LTK: variants seen among roughly 807,000 people sequenced by gnomAD.
The protein encoded by LTK is leukocyte tyrosine kinase receptor.
In LTK, 117 loss-of-function variants were observed where a neutral mutation model predicts 101.5. The ratio of observed to expected loss-of-function variants is 1.15; its 90% confidence interval spans 0.99 to 1.34. The LOEUF (loss-of-function observed/expected upper bound fraction) is 1.34, where lower values mean the gene tolerates loss of function less well. LTK is among the 40% of genes most tolerant of loss of function. The pLI, the probability that LTK is intolerant of heterozygous loss-of-function variation, is 0.00. For missense variants in LTK, 1,252 were observed against 1,164.7 expected (o/e 1.07, Z -1.09); for synonymous variants, 563 against 494.2 (o/e 1.14, Z -1.85).
At position 41,511,530 on chromosome 15, in the gene LTK, C is replaced by A. The variant is rs1011193962; in HGVS notation, c.706G>T (p.Gly236Cys). 2.1e-6 allele frequency: 3 copies of A among 1,460,932 alleles called. No homozygotes were observed. The highest frequency in any genetic ancestry group is 8.9e-7 in the Non-Finnish European group (1 of 1,118,664). The allele number at this position is 1,460,932 out of a possible 1,614,324, so 90.5% of individuals were successfully genotyped here. Residue 236 changes from glycine (G) to cysteine (C), a missense_variant, in exon 6 of 20, where the codon GGT becomes TGT. Transcript: ENST00000263800. This position sits in a 1 kb window ranked among gnomAD's most constrained non-coding sequence, Gnocchi z 5.9. ...EPLLVAAGGG[G>C]RAYLRPRDRG... ...TCCCGCGGCCTCAGGTAGGCCCGAC[C>A]GCCGCCTCCGGCCGCCACCAGCAAC...
Position 41,511,230 on chromosome 15 carries a change from C to T in LTK, c.931G>A (p.Ala311Thr), listed in dbSNP as rs1300480831. Residue 311 changes from alanine (A) to threonine (T), a missense_variant, in exon 7 of 20, where the codon GCG (alanine) becomes ACG (threonine). Transcript: ENST00000263800. This position sits in a 1 kb window ranked among gnomAD's most constrained non-coding sequence, Gnocchi z 5.9. ...CCGCCGCCCCCGAAGCCGCCGGCCG[C>T]GGCCCAGCCAAGGGTCGCCCAAGCC... is the stretch of plus-strand genomic sequence containing the variant. ...SEAWATLGWAAAGGFGGGGGA... is the reference protein window; with the variant it reads ...SEAWATLGWATAGGFGGGGGA... 7.1e-7 allele frequency: 1 copy of T among 1,404,266 alleles called. No individual in the cohort carries two copies. Among genetic ancestry groups the T allele is most frequent in the East Asian group, 3.1e-5 (1 of 31,936 alleles). The allele number at this position is 1,404,266 out of a possible 1,614,324, so 87.0% of individuals were successfully genotyped here. A position where few individuals can be genotyped will look rare whatever the true frequency, so the allele number is the denominator to read the frequency against.
chr15:41,512,240 C>G lies in LTK; in HGVS notation c.385G>C (p.Gly129Arg). 6.2e-7 allele frequency: 1 copy of G among 1,612,700 alleles called. No individual in the cohort carries two copies. The highest frequency in any genetic ancestry group is 1.1e-5 in the South Asian group (1 of 90,998). Residue 129 changes from glycine (G) to arginine (R), a missense_variant, in exon 4 of 20, where the codon GGC becomes CGC. Coordinates refer to ENST00000263800, the MANE Select transcript of LTK (RefSeq NM_002344.6). ...YLISAYGAAGGKGAKNHLSRA... is the reference protein window; with the variant it reads ...YLISAYGAAGRKGAKNHLSRA... Reference sequence around the variant, plus strand: ...GACAGGTGGTTCTTGGCGCCTTTGCCGCCCGCGGCTCCGTAGGCTGAGATC... The same window carrying G: ...GACAGGTGGTTCTTGGCGCCTTTGCGGCCCGCGGCTCCGTAGGCTGAGATC...
rs1178993257 is a variant in LTK, at chr15:41,513,090, T to C, written c.74A>G (p.Gln25Arg). Reference sequence around the variant, plus strand: ...GGGCGAGGACCGCAGAAAAGTCTCCTGGGACCCCGGGCTAGAGCAGAGAAT... The same window carrying C: ...GGGCGAGGACCGCAGAAAAGTCTCCCGGGACCCCGGGCTAGAGCAGAGAAT... ...GAILCSSPGS[Q>R]ETFLRSSPLP... Residue 25 changes from glutamine (Q) to arginine (R), a missense_variant, in exon 2 of 20, where the codon CAG (glutamine) becomes CGG (arginine). Physicochemically the swap from Gln to Arg is conservative, Grantham distance 43 (BLOSUM62 1). Coordinates refer to ENST00000263800, the MANE Select transcript of LTK (RefSeq NM_002344.6). 1.2e-6 allele frequency: 2 copies of C among 1,609,328 alleles called. No homozygotes were observed. Among genetic ancestry groups the C allele is most frequent in the African/African-American group, 2.7e-5 (2 of 74,898 alleles).
chr15:41,511,177 GCCGCCTCCGCCCGCAGTGCAGGCC>G lies in LTK; in HGVS notation c.960_983del (p.Ala321_Gly328del). 11 of 1,402,712 alleles carry G rather than the reference GCCGCCTCCGCCCGCAGTGCAGGCC, an allele frequency of 7.8e-6. No individual in the cohort carries two copies. Among genetic ancestry groups the G allele is most frequent in the Non-Finnish European group, 1.0e-5 (11 of 1,087,064 alleles). 86.9% of individuals were successfully genotyped at this position (1,402,712 alleles called of 1,614,324 possible). ...CGGTGCACCTACCCCTGTAGCCGCC[GCCGCCTCCGCCCGCAGTGCAGGCC>G]CCGCCGCCGCCCCCGAAGCCGCCGG... On this transcript the variant is annotated inframe_deletion, in exon 7 of 20. Coordinates refer to ENST00000263800, the MANE Select transcript of LTK (RefSeq NM_002344.6). This position sits in a 1 kb window ranked among gnomAD's most constrained non-coding sequence, Gnocchi z 5.9.
In LTK at chr15:41,503,762, G is replaced by A; in HGVS notation, c.*234C>T. The A allele has an allele frequency of 1.6e-6, 1 of 618,142 alleles. No individual in the cohort carries two copies. The allele number at this position is 618,142 out of a possible 1,614,324, so 38.3% of individuals were successfully genotyped here. Reference sequence around the variant, plus strand: ...GGACACCTGGGGTGTGTGTAAGGCGGCCTCTGGCCCCAAGATCAAAAGCTG... The same window carrying A: ...GGACACCTGGGGTGTGTGTAAGGCGACCTCTGGCCCCAAGATCAAAAGCTG... On this transcript the variant is annotated 3_prime_UTR_variant, in exon 20 of 20. Coordinates refer to ENST00000263800, the MANE Select transcript of LTK (RefSeq NM_002344.6).
intron 11 of LTK, among the ~76,000 whole-genome samples, chr15:41,506,369 A>G (rs997456474): frequency 7.2e-5 from 11 of 152,106 alleles, no homozygotes; most frequent in Non-Finnish European, 1.0e-4. Context: ...CAATAGCGCG[A>G]TCTCGGCTCA....
rs1411089999 is a variant in LTK at position 41,507,647 on chromosome 15, C to A, written c.1260G>T (p.Lys420Asn). 5.0e-6 allele frequency: 8 copies of A among 1,613,236 alleles called. No individual in the cohort carries two copies. Among genetic ancestry groups the A allele is most frequent in the Non-Finnish European group, 5.9e-6 (7 of 1,179,810 alleles). The change falls in exon 10 of 20, where the codon AAG (lysine) becomes AAT (asparagine). Residue 420 changes from lysine to asparagine, a missense_variant. Coordinates refer to ENST00000263800, the MANE Select transcript of LTK (RefSeq NM_002344.6). ...CCATCAGAACCAGAGGGCCTGGGGGCTTGTGCAGGTCTAGGGAGAAAGAGA... is the reference window on the plus strand; with the variant it reads ...CCATCAGAACCAGAGGGCCTGGGGGATTGTGCAGGTCTAGGGAGAAAGAGA... ...VDNVTCMDLH[K>N]PPGPLVLMVA...
At position 41,507,657 on chromosome 15, in the gene LTK, T is replaced by A; in HGVS notation, c.1250A>T (p.Asp417Val). The A allele has an allele frequency of 6.2e-7, 1 of 1,612,614 alleles. No individual in the cohort carries two copies. ...CAGAGGGCCTGGGGGCTTGTGCAGG[T>A]CTAGGGAGAAAGAGAGACACCTCCA... ...ELAVDNVTCM[D>V]LHKPPGPLVL... The change falls in exon 10 of 20, where the codon GAC (aspartate) becomes GTC (valine). Residue 417 changes from aspartate to valine, a missense_variant and splice_region_variant. Physicochemically the swap from Asp to Val is radical, Grantham distance 152. Coordinates refer to ENST00000263800, the MANE Select transcript of LTK (RefSeq NM_002344.6).
rs2051472766 is a variant in LTK, at chr15:41,511,789, A to C, written c.657+28T>G. The C allele has an allele frequency of 6.7e-7, 1 of 1,484,816 alleles. No individual in the cohort carries two copies. Among genetic ancestry groups the C allele is most frequent in the African/African-American group, 1.5e-5 (1 of 67,046 alleles). The allele number at this position is 1,484,816 out of a possible 1,614,324, so 92.0% of individuals were successfully genotyped here. ...CCCCTGGGGAGAGGATTGGGACCCC[A>C]ACGCTGAGCGCCGAAGGGAGCACGT... On this transcript the variant is annotated intron_variant, in intron 5 of 19. Coordinates refer to ENST00000263800, the MANE Select transcript of LTK (RefSeq NM_002344.6). This position sits in a 1 kb window ranked among gnomAD's most constrained non-coding sequence, Gnocchi z 5.9.
chr15:41,504,065 A>G lies in LTK; in HGVS notation c.2526T>C (p.Ser842=). 1 of 1,613,888 alleles carries G rather than the reference A, an allele frequency of 6.2e-7. No individual in the cohort carries two copies. Among genetic ancestry groups the G allele is most frequent in the Non-Finnish European group, 8.5e-7 (1 of 1,180,002 alleles). ...GGSPLGPWLS[S]GLKPLKSRGL... is the part of the protein sequence containing the mutation. The stretch of plus-strand genomic sequence containing the variant: ...CCCTGGATTTGAGGGGCTTGAGGCC[A>G]GAGGACAGCCAGGGGCCAAGAGGGC... The change falls in exon 20 of 20, where the codon TCT becomes TCC. Residue 842 remains serine (S), a synonymous_variant. Transcript: ENST00000263800.
Position 41,509,095 on chromosome 15 carries a change from A to C in LTK, c.1032T>G (p.Ala344=). Reference sequence around the variant, plus strand: ...TGAAGGATACTCCATCTTCCCCATCAGCCCAGAGGTTGTCAGTCTCTGAAG... The same window carrying C: ...TGAAGGATACTCCATCTTCCCCATCCGCCCAGAGGTTGTCAGTCTCTGAAG... ...GDASETDNLW[A]DGEDGVSFIH... is the part of the protein sequence containing the mutation. The change falls in exon 8 of 20, where the codon GCT becomes GCG. Residue 344 remains alanine, a synonymous_variant. Coordinates refer to ENST00000263800, the MANE Select transcript of LTK (RefSeq NM_002344.6). The C allele has an allele frequency of 6.2e-7, 1 of 1,613,888 alleles. No individual in the cohort carries two copies. The highest frequency in any genetic ancestry group is 8.5e-7 in the Non-Finnish European group (1 of 1,179,896).
At chr15:41,508,926 A>G (rs1395067204) in intron 8 of LTK, 105 bp downstream of exon 8, 5 of 712,428 alleles carry the variant, frequency 7.0e-6, no homozygotes, top group Non-Finnish European at 1.2e-5. Flanking sequence ...TGTGCTATGC[A>G]AGGTTATTCA....
Position 41,511,100 on chromosome 15 carries a change from C to T in LTK, c.997+64G>A. The T allele has an allele frequency of 7.6e-7, 1 of 1,323,328 alleles. No homozygotes were observed. Among genetic ancestry groups the T allele is most frequent in the Non-Finnish European group, 9.6e-7 (1 of 1,037,394 alleles). 82.0% of individuals were successfully genotyped at this position (1,323,328 alleles called of 1,614,324 possible). A position where few individuals can be genotyped will look rare whatever the true frequency, so the allele number is the denominator to read the frequency against. On this transcript the variant is annotated intron_variant, in intron 7 of 19. Transcript: ENST00000263800. The surrounding 1 kb of genome is among the most constrained non-coding windows in gnomAD (Gnocchi z 5.9). ...ATCCTCCCGAGGGCTCCGGCCTGTACTTAGGTTCTAACATCACCTCACCCT... is the reference window on the plus strand; with the variant it reads ...ATCCTCCCGAGGGCTCCGGCCTGTATTTAGGTTCTAACATCACCTCACCCT...
intron 11 of LTK, 35 bp downstream of exon 11, chr15:41,507,060 G>A (rs766919729): frequency 5.7e-6 from 9 of 1,582,278 alleles, no homozygotes; most frequent in South Asian, 1.1e-5. Flanking sequence ...GGGATTCAGA[G>A]TGCATAGGTT....
rs1485020748 is a variant in LTK, at chr15:41,512,735, A to C, written c.331T>G (p.Trp111Gly). ...AAGQLRGVQL[W>G]RVPGPGQYLI... ...TACTGGCCAGGGCCCGGCACGCGCC[A>C]CAGCTGCACGCCTCTCAGCTGCCCG... Residue 111 changes from tryptophan to glycine, a missense_variant, in exon 3 of 20, where the codon TGG (tryptophan) becomes GGG (glycine). Transcript: ENST00000263800. 6.2e-7 allele frequency: 1 copy of C among 1,605,242 alleles called. No individual in the cohort carries two copies. Among genetic ancestry groups the C allele is most frequent in the Non-Finnish European group, 8.5e-7 (1 of 1,177,620 alleles).
chr15:41,504,276 A>G (rs1342508510), intron 19 of LTK, 32 bp from the exon 20 acceptor site: 2 of 1,608,654 alleles, frequency 1.2e-6, no homozygotes, highest in African/African-American at 2.7e-5. Flanking sequence ...GCAGGGGGGC[A>G]TAGAGTTTTC....
chr15:41,511,554 A>G lies in LTK; in HGVS notation c.682T>C (p.Leu228=). Residue 228 remains leucine, a synonymous_variant, in exon 6 of 20, where the codon TTG becomes CTG. Coordinates refer to ENST00000263800, the MANE Select transcript of LTK (RefSeq NM_002344.6). This position sits in a 1 kb window ranked among gnomAD's most constrained non-coding sequence, Gnocchi z 5.9. ...CCGCCGCCTCCGGCCGCCACCAGCA[A>G]CGGTTCCAGCTCGCCAGCGCGCACC... ...FRVRAGELEP[L]LVAAGGGGRA... is the part of the protein sequence containing the mutation. The G allele has an allele frequency of 1.1e-5, 16 of 1,455,672 alleles. No homozygotes were observed. Among genetic ancestry groups the G allele is most frequent in the Non-Finnish European group, 1.4e-5 (16 of 1,116,390 alleles). 90.2% of individuals were successfully genotyped at this position (1,455,672 alleles called of 1,614,324 possible). A position where few individuals can be genotyped will look rare whatever the true frequency, so the allele number is the denominator to read the frequency against.
At position 41,512,244 on chromosome 15, in the gene LTK, C is replaced by A; in HGVS notation, c.381G>T (p.Ala127=). The A allele has an allele frequency of 6.2e-7, 1 of 1,612,600 alleles. No individual in the cohort carries two copies. Among genetic ancestry groups the A allele is most frequent in the Non-Finnish European group, 8.5e-7 (1 of 1,179,712 alleles). The change falls in exon 4 of 20, where the codon GCG becomes GCT. Residue 127 remains alanine, a synonymous_variant. Transcript: ENST00000263800. ...GGTGGTTCTTGGCGCCTTTGCCGCC[C>A]GCGGCTCCGTAGGCTGAGATCCTGC... ...GQYLISAYGA[A]GGKGAKNHLS...
rs550297187 is a variant in LTK at position 41,508,754 on chromosome 15, G to A, written c.1096+277C>T. 3.9e-5 allele frequency among the ~76,000 whole-genome samples: 6 copies of A among 152,204 alleles called. No individual in the cohort carries two copies. In the South Asian group the frequency reaches 1.0e-3, roughly 26 times the overall value. ...TTTGAAGCGAATTCATAGCAAGGGG[G>A]TACTTGAAAAGCACGCAGCATGCCC... On this transcript the variant is annotated intron_variant, in intron 8 of 19. Transcript: ENST00000263800.
Sources: allele counts gnomAD v4.1 joint callset (sites outside exome capture counted in the v4.1 genomes callset), GRCh38; gene constraint gnomAD v4.1.1; non-coding constraint Gnocchi (gnomAD v3.1); transcripts MANE v1.5; gene names NCBI Gene and HGNC (gene_info 2026-07-23, HGNC 2026-07-21).